Variants in PVT1 observed in about 807,000 individuals in gnomAD.
The protein encoded by PVT1 is CXCR4/PVT1 fusion.
At chr8:127,824,478 C>A (rs559764305) in intron 2 of PVT1, among the ~76,000 whole-genome samples, 1 of 152,218 alleles carries the variant, frequency 6.6e-6, no homozygotes, top group Admixed American at 6.5e-5. Flanking sequence ...TAAATTTTAC[C>A]TTTTTATCCA....
chr8:128,037,167 T>C (rs1298209426), intron 4 of PVT1, among the ~76,000 whole-genome samples: 5 of 152,226 alleles, frequency 3.3e-5, no homozygotes, highest in African/African-American at 1.2e-4. Context: ...AGTTGGGCAC[T>C]GTGCTGGGGC....
intron 5 of PVT1, among the ~76,000 whole-genome samples, chr8:128,082,586 G>C (rs539007339): frequency 9.8e-5 from 15 of 152,316 alleles, no homozygotes; most frequent in African/African-American, 2.9e-4. Context: ...AGGGAAGTCA[G>C]ACTCTTATCC....
In PVT1 at chr8:127,826,391, C is replaced by T. The variant is rs914791700; in HGVS notation, n.372+30320C>T. ...TTCTCACTAGTGGAGTCCACCAGACCTGATGATTCCCCAGCGTTGAGTTCA... is the reference window on the plus strand; with the variant it reads ...TTCTCACTAGTGGAGTCCACCAGACTTGATGATTCCCCAGCGTTGAGTTCA... On this transcript the variant is annotated intron_variant and non_coding_transcript_variant, in intron 2 of 10. Transcript: ENST00000651587. Among the ~76,000 whole-genome samples, 6 of 152,152 alleles carry T rather than the reference C, an allele frequency of 3.9e-5. No homozygotes were observed. The East Asian group carries it at 5.8e-4, about 15-fold the overall frequency.
At chr8:127,875,442 T>C (rs1444701499) in intron 2 of PVT1, among the ~76,000 whole-genome samples, 2 of 152,174 alleles carry the variant, frequency 1.3e-5, no homozygotes, top group East Asian at 3.9e-4. Flanking sequence ...GAATACTTCA[T>C]CATTAGACAT....
At chr8:128,024,894 G>T (rs1456839460) in intron 4 of PVT1, among the ~76,000 whole-genome samples, 1 of 152,190 alleles carries the variant, frequency 6.6e-6, no homozygotes, top group African/African-American at 2.4e-5. Context: ...TAGAGGTGGG[G>T]TCTCGCTATG....
chr8:127,974,198 A>G (rs1289264272), intron 3 of PVT1, among the ~76,000 whole-genome samples: 1 of 152,134 alleles, frequency 6.6e-6, no homozygotes, highest in Non-Finnish European at 1.5e-5. Context: ...TGGGGCCTGG[A>G]GAGCTGACGT....
chr8:127,880,920 T>C (rs974661000), intron 2 of PVT1, among the ~76,000 whole-genome samples: 1 of 152,208 alleles, frequency 6.6e-6, no homozygotes, highest in African/African-American at 2.4e-5. Context: ...TCTTAAGCGA[T>C]GTTGAGTTCC....
At chr8:127,906,693 T>C (rs16902458) in intron 3 of PVT1, among the ~76,000 whole-genome samples, 1 of 152,138 alleles carries the variant, frequency 6.6e-6, no homozygotes, top group Non-Finnish European at 1.5e-5. Context: ...CTTGTTTCCA[T>C]GCGTTCTGTC....
intron 2 of PVT1, among the ~76,000 whole-genome samples, chr8:127,858,006 A>G (rs908845552): frequency 6.6e-6 from 1 of 152,206 alleles, no homozygotes; most frequent in Non-Finnish European, 1.5e-5. Flanking sequence ...AATGTTCAGA[A>G]TCTTTGGAGT....
rs527344211 is a variant in PVT1, at chr8:128,073,962, A to G, written n.1114+3601A>G. Among the ~76,000 whole-genome samples the G allele has an allele frequency of 5.3e-5, 8 of 152,232 alleles. No individual in the cohort carries two copies. In the East Asian group the frequency reaches 1.5e-3, roughly 29 times the overall value. ...GATGGATGAATGTGGCCCTCCTGGGATGGAAGGTGTCCTTGTGCTAGTCAT... is the reference window on the plus strand; with the variant it reads ...GATGGATGAATGTGGCCCTCCTGGGGTGGAAGGTGTCCTTGTGCTAGTCAT... On this transcript the variant is annotated intron_variant and non_coding_transcript_variant, in intron 5 of 10. Coordinates refer to ENST00000651587, the Ensembl canonical transcript of PVT1.
intron 4 of PVT1, among the ~76,000 whole-genome samples, chr8:128,036,971 C>G (rs895436205): frequency 2.0e-5 from 3 of 152,190 alleles, no homozygotes; most frequent in African/African-American, 7.2e-5. Flanking sequence ...TGGGCTCCTT[C>G]CCTGGGACAT....
intron 2 of PVT1, among the ~76,000 whole-genome samples, chr8:127,837,680 C>T (rs906050192): frequency 3.3e-5 from 5 of 151,996 alleles, no homozygotes; most frequent in Admixed American, 2.6e-4. Context: ...TACAAAGTGA[C>T]CCTATGAAGC....
chr8:128,041,568 GTGTGTGTGTT>G (rs1813544641), intron 4 of PVT1, among the ~76,000 whole-genome samples: 3 of 148,594 alleles, frequency 2.0e-5, no homozygotes, highest in Admixed American at 6.8e-5. Flanking sequence ...TGTGTATTTT[GTGTGTGTGTT>G]TGTGTGTGTT....
At chr8:128,039,259 C>T (rs963178902) in intron 4 of PVT1, among the ~76,000 whole-genome samples, 61 of 152,184 alleles carry the variant, frequency 4.0e-4, no homozygotes, top group African/African-American at 1.5e-3. Context: ...CCCCTTTCCT[C>T]CCTCCTCCCA....
At chr8:127,838,591 G>A (rs1814934600) in intron 2 of PVT1, among the ~76,000 whole-genome samples, 1 of 152,162 alleles carries the variant, frequency 6.6e-6, no homozygotes, top group Non-Finnish European at 1.5e-5. Flanking sequence ...TGTAATCCCA[G>A]CTACTCAGGA....
At chr8:127,979,692 G>T (rs1035458677) in intron 3 of PVT1, among the ~76,000 whole-genome samples, 2 of 152,058 alleles carry the variant, frequency 1.3e-5, no homozygotes, top group African/African-American at 4.8e-5. Context: ...TTGAGGTGAG[G>T]GTTGATCAGT....
rs530211639 is a variant in PVT1, at chr8:127,975,533, C to A, written n.783-13629C>A. 2.4e-4 allele frequency among the ~76,000 whole-genome samples: 37 copies of A among 152,324 alleles called. 1 individual carries two copies. Among genetic ancestry groups the A allele is most frequent in the Admixed American group, 2.4e-3 (37 of 15,296 alleles). On this transcript the variant is annotated intron_variant and non_coding_transcript_variant, in intron 3 of 10. Transcript: ENST00000651587. ...TGAGCCAGTTGCAACGCAGCCTTGA[C>A]TTAAAATGAGCGAGCTTCAACATTG...
intron 4 of PVT1, among the ~76,000 whole-genome samples, chr8:128,013,180 C>A (rs975461308): frequency 6.6e-6 from 1 of 152,186 alleles, no homozygotes; most frequent in Non-Finnish European, 1.5e-5. Context: ...GGCCACCCCC[C>A]CTTCCCTGTG....
chr8:127,907,234 G>T (rs1176014218), intron 3 of PVT1, among the ~76,000 whole-genome samples: 1 of 151,810 alleles, frequency 6.6e-6, no homozygotes, highest in Admixed American at 6.6e-5. Context: ...CTCCCAAAGT[G>T]CTGGGATTAC....
Sources: gnomAD v4.1 joint callset for allele counts (sites outside exome capture counted in the v4.1 genomes callset) on GRCh38, gnomAD v4.1.1 for gene constraint, MANE v1.5 for transcripts, NCBI Gene and HGNC (gene_info 2026-07-23, HGNC 2026-07-21) for gene names.